The following CNTNAP4 variants were observed in gnomAD, a reference collection of about 807,000 sequenced individuals.
The protein encoded by CNTNAP4 is contactin associated protein family member 4, also known as contactin-associated protein-like 4.
In CNTNAP4, 98 loss-of-function variants were observed where a neutral mutation model predicts 148.4. The observed-to-expected ratio is 0.66, with a 90% CI of 0.56 to 0.78. The LOEUF (loss-of-function observed/expected upper bound fraction) is 0.78. Among genes scored for constraint, CNTNAP4 ranks in the 30% least tolerant of loss-of-function variants. CNTNAP4 has a pLI of 0.00. For missense variants in CNTNAP4, 1,935 were observed against 1,565.6 expected (o/e 1.24, Z -3.98); for synonymous variants, 730 against 565.1 (o/e 1.29, Z -4.14).
chr16:76,307,560 A>T (rs1960628756), intron 1 of CNTNAP4, among the ~76,000 whole-genome samples: 2 of 144,714 alleles, frequency 1.4e-5, no homozygotes, highest in Admixed American at 1.4e-4. Flanking sequence ...AGAAATGCTT[A>T]CCCCATAAAG....
chr16:76,425,645 G>C (rs528389759), intron 3 of CNTNAP4, among the ~76,000 whole-genome samples: 2 of 152,234 alleles, frequency 1.3e-5, no homozygotes, highest in East Asian at 1.9e-4. Flanking sequence ...GGCCTGTCTT[G>C]GGGGTAATAT....
chr16:76,296,500 A>G (rs1327478168), intron 1 of CNTNAP4, among the ~76,000 whole-genome samples: 3 of 152,230 alleles, frequency 2.0e-5, no homozygotes, highest in Non-Finnish European at 2.9e-5. Flanking sequence ...AAGCAAGTTT[A>G]AAATTTTATA....
In CNTNAP4 at chr16:76,519,665, C is replaced by G. The variant is rs141462494; in HGVS notation, c.2366-1475C>G. On this transcript the variant is annotated intron_variant, in intron 15 of 23. Transcript: ENST00000611870. Reference sequence around the variant, plus strand: ...TTACATTTTCTTGCATTTATTTTGTCCTAGAGATCCAAAGGTCTAGTACAG... The same window carrying G: ...TTACATTTTCTTGCATTTATTTTGTGCTAGAGATCCAAAGGTCTAGTACAG... Among the ~76,000 whole-genome samples, 818 of 152,164 alleles carry G rather than the reference C, an allele frequency of 5.4e-3. 8 individuals are homozygous for G. Among genetic ancestry groups the G allele is most frequent in the African/African-American group, 0.019 (774 of 41,518 alleles).
chr16:76,452,728 A>G lies in CNTNAP4; in HGVS notation c.1292A>G (p.Asn431Ser). ...CTGAGTGATGGAAAACTTAAGTCGA[A>G]TCTCTACCAGCCAGGAAAATTACCC... ...LFLSDGKLKS[N>S]LYQPGKLPSD... Residue 431 changes from asparagine to serine, a missense_variant, in exon 8 of 24, where the codon AAT becomes AGT. Physicochemically the swap from Asn to Ser is conservative, Grantham distance 46. Coordinates refer to ENST00000611870, the MANE Select transcript of CNTNAP4 (RefSeq NM_033401.5). 3.7e-6 allele frequency: 6 copies of G among 1,608,868 alleles called. No individual in the cohort carries two copies. Among genetic ancestry groups the G allele is most frequent in the Non-Finnish European group, 5.1e-6 (6 of 1,177,022 alleles).
Position 76,539,812 on chromosome 16 carries a change from A to T in CNTNAP4, c.3314A>T (p.His1105Leu). 1 of 1,602,060 alleles carries T rather than the reference A, an allele frequency of 6.2e-7. No homozygotes were observed. The highest frequency in any genetic ancestry group is 8.5e-7 in the Non-Finnish European group (1 of 1,174,952). ...FKNMADGQLH[H>L]IMINREEGVV... ...AACATGGCTGATGGACAACTTCACCACATAATGATTAACAGAGAAGAAGGA... is the reference window on the plus strand; with the variant it reads ...AACATGGCTGATGGACAACTTCACCTCATAATGATTAACAGAGAAGAAGGA... The change falls in exon 20 of 24, where the codon CAC (histidine) becomes CTC (leucine). Residue 1105 changes from histidine (H) to leucine (L), a missense_variant. Transcript: ENST00000611870.
At chr16:76,372,617 G>C (rs1043927855) in intron 3 of CNTNAP4, among the ~76,000 whole-genome samples, 1 of 151,998 alleles carries the variant, frequency 6.6e-6, no homozygotes, top group Admixed American at 6.6e-5. Flanking sequence ...TTCCCCTTTC[G>C]CTTGGCTCTC....
At chr16:76,392,167 T>C (rs2078045019) in intron 3 of CNTNAP4, among the ~76,000 whole-genome samples, 1 of 152,140 alleles carries the variant, frequency 6.6e-6, no homozygotes, top group South Asian at 2.1e-4. Flanking sequence ...CTAATTTTTG[T>C]ATTTTTAGTA....
At chr16:76,510,272 T>G (rs952427602) in intron 15 of CNTNAP4, among the ~76,000 whole-genome samples, 3 of 152,140 alleles carry the variant, frequency 2.0e-5, no homozygotes, top group Non-Finnish European at 4.4e-5. Context: ...ACTGACTACT[T>G]TTACTTAGCA....
At chr16:76,288,292 G>A (rs1958971132) in intron 1 of CNTNAP4, among the ~76,000 whole-genome samples, 1 of 152,090 alleles carries the variant, frequency 6.6e-6, no homozygotes, top group Non-Finnish European at 1.5e-5. Flanking sequence ...AGAACAGTGA[G>A]TCAATTAAAC....
At chr16:76,485,100 T>C (rs909499773) in intron 12 of CNTNAP4, among the ~76,000 whole-genome samples, 1 of 152,146 alleles carries the variant, frequency 6.6e-6, no homozygotes, top group South Asian at 2.1e-4. Context: ...GCTGTCCGTA[T>C]TGCTTTTTCT....
At chr16:76,438,706 G>T (rs4887862) in intron 4 of CNTNAP4, among the ~76,000 whole-genome samples, 97,009 of 151,762 alleles carry the variant, frequency 0.64, 32,402 homozygotes, top group African/African-American at 0.84. Flanking sequence ...CTCCTAACAG[G>T]CCTCATCCCT....
chr16:76,515,914 G>A (rs1052657416), intron 15 of CNTNAP4, among the ~76,000 whole-genome samples: 1 of 152,000 alleles, frequency 6.6e-6, no homozygotes, highest in Non-Finnish European at 1.5e-5. Context: ...AAACCGTTTA[G>A]TAGTTTCTTT....
chr16:76,549,072 G>T (rs2084855988), intron 21 of CNTNAP4, among the ~76,000 whole-genome samples: 1 of 152,032 alleles, frequency 6.6e-6, no homozygotes, highest in Admixed American at 6.6e-5. Flanking sequence ...GGACAGGCAG[G>T]GGGATCCTGG....
At chr16:76,480,940 G>A (rs2081803945) in intron 12 of CNTNAP4, among the ~76,000 whole-genome samples, 2 of 152,162 alleles carry the variant, frequency 1.3e-5, no homozygotes, top group Admixed American at 1.3e-4. Flanking sequence ...GAAGAACCAA[G>A]TCAGTGAGTC....
chr16:76,555,875 A>G (rs34802604), intron 23 of CNTNAP4, among the ~76,000 whole-genome samples: 41,430 of 151,904 alleles, frequency 0.27, 5,692 homozygotes, highest in South Asian at 0.34. Flanking sequence ...TGCAGAGACT[A>G]AACTTCAGAA....
chr16:76,355,224 G>A, intron 2 of CNTNAP4, 94 bp from the exon 3 acceptor site: 1 of 825,700 alleles, frequency 1.2e-6, no homozygotes, highest in Non-Finnish European at 1.8e-6. Flanking sequence ...AAGTTCCATA[G>A]AGGAATACAG....
intron 1 of CNTNAP4, among the ~76,000 whole-genome samples, chr16:76,304,669 T>C (rs1191309325): frequency 1.3e-5 from 2 of 152,128 alleles, no homozygotes; most frequent in Non-Finnish European, 2.9e-5. Flanking sequence ...GAATGTGAGG[T>C]CTCATCACTA....
intron 1 of CNTNAP4, among the ~76,000 whole-genome samples, chr16:76,292,380 A>G (rs1190610545): frequency 6.6e-6 from 1 of 152,154 alleles, no homozygotes; most frequent in African/African-American, 2.4e-5. Context: ...TGTATGACGG[A>G]TCTCAGAAGT....
chr16:76,380,066 A>G (rs2015808411), intron 3 of CNTNAP4, among the ~76,000 whole-genome samples: 1 of 152,202 alleles, frequency 6.6e-6, no homozygotes, highest in Non-Finnish European at 1.5e-5. Context: ...TTGAGAAATT[A>G]ATTTTTTCAG....
Sources: allele counts gnomAD v4.1 joint callset (sites outside exome capture counted in the v4.1 genomes callset), GRCh38; gene constraint gnomAD v4.1.1; transcripts MANE v1.5; gene names NCBI Gene and HGNC (gene_info 2026-07-23, HGNC 2026-07-21).